ZNF385D: variants seen among roughly 807,000 people sequenced by gnomAD.
ZNF385D encodes zinc finger protein 385D.
In ZNF385D, 15 loss-of-function variants were observed where a neutral mutation model predicts 35.8. The observed-to-expected ratio is 0.42, with a 90% CI of 0.28 to 0.64. The LOEUF is 0.64. Ranked by LOEUF, ZNF385D falls within the 30% of genes least tolerant of loss-of-function variation. The pLI is 0.23. For missense variants in ZNF385D, 474 were observed against 494.6 expected, an observed-to-expected ratio of 0.96 and a Z score of 0.39; for synonymous variants, 212 against 186.8, an observed-to-expected ratio of 1.13 and a Z score of -1.10.
upstream of ZNF385D, among the ~76,000 whole-genome samples, chr3:21,755,902 C>G (rs1256282994): frequency 6.6e-6 from 1 of 152,086 alleles, no homozygotes; most frequent in East Asian, 1.9e-4. Context: ...TTATGAGTGC[C>G]AGGAAGAACA....
chr3:22,363,765 C>G (rs1231976947), intron 2 of ZNF385D, among the ~76,000 whole-genome samples: 1 of 152,052 alleles, frequency 6.6e-6, no homozygotes, highest in Non-Finnish European at 1.5e-5. Flanking sequence ...AAGGAAATTT[C>G]TCTTTACCAT....
At chr3:21,444,749 A>C (rs1702057550) in intron 4 of ZNF385D, among the ~76,000 whole-genome samples, 1 of 152,168 alleles carries the variant, frequency 6.6e-6, no homozygotes, top group African/African-American at 2.4e-5. Flanking sequence ...TTCTACAAAG[A>C]TCATGTGATT....
intron 2 of ZNF385D, among the ~76,000 whole-genome samples, chr3:22,285,268 C>T (rs1575037069): frequency 6.6e-6 from 1 of 152,238 alleles, no homozygotes; most frequent in Admixed American, 6.5e-5. Flanking sequence ...CTGCCTCTAA[C>T]CCTCCACCAC....
intron 2 of ZNF385D, among the ~76,000 whole-genome samples, chr3:21,614,624 T>C (rs1333812911): frequency 6.6e-6 from 1 of 152,184 alleles, no homozygotes; most frequent in African/African-American, 2.4e-5. Context: ...GGAGTCTCAC[T>C]ATGTCACAAG....
chr3:21,508,594 T>A (rs1021570169), intron 4 of ZNF385D, among the ~76,000 whole-genome samples: 1 of 152,192 alleles, frequency 6.6e-6, no homozygotes, highest in African/African-American at 2.4e-5. Flanking sequence ...AAAGACCCCA[T>A]GAGTATTAAA....
rs563976605 is a variant in ZNF385D, at chr3:22,318,692, CAAG to C, written c.106+53755_106+53757del. Among the ~76,000 whole-genome samples, 552 of 151,976 alleles carry C rather than the reference CAAG, an allele frequency of 3.6e-3. 4 individuals carry two copies. Among genetic ancestry groups the C allele is most frequent in the African/African-American group, 0.011 (468 of 41,438 alleles). On this transcript the variant is annotated intron_variant, in intron 2 of 5. Transcript: ENST00000494108. ...AAGATTGAGCACGAGGAATACAAGA[CAAG>C]AAGAAAAAGATCCCCGGAAATCACA...
At chr3:21,510,298 A>T (rs1707105166) in intron 4 of ZNF385D, among the ~76,000 whole-genome samples, 1 of 152,168 alleles carries the variant, frequency 6.6e-6, no homozygotes, top group Non-Finnish European at 1.5e-5. Flanking sequence ...GCCTCTGTTA[A>T]AAAGAGTAAT....
chr3:21,878,784 C>T (rs554701577), intron 3 of ZNF385D, among the ~76,000 whole-genome samples: 2 of 152,032 alleles, frequency 1.3e-5, no homozygotes, highest in Non-Finnish European at 2.9e-5. Flanking sequence ...ACACGACATG[C>T]CTGTCATATA....
At chr3:21,958,041 C>G (rs1230153898) in intron 3 of ZNF385D, among the ~76,000 whole-genome samples, 1 of 152,070 alleles carries the variant, frequency 6.6e-6, no homozygotes, top group South Asian at 2.1e-4. Flanking sequence ...ACACATGCAC[C>G]CACACATTGC....
intron 3 of ZNF385D, among the ~76,000 whole-genome samples, chr3:21,763,506 T>A (rs1262475097): frequency 6.6e-6 from 1 of 152,198 alleles, no homozygotes; most frequent in Admixed American, 6.5e-5. Flanking sequence ...TGTTTAAAAC[T>A]TCTTGAGAAA....
intron 3 of ZNF385D, among the ~76,000 whole-genome samples, chr3:22,056,209 G>T (rs1390157370): frequency 7.9e-5 from 1 of 12,644 alleles, no homozygotes; most frequent in Non-Finnish European, 1.4e-4. Context: ...CACCAGCATG[G>T]CACATGTATA....
At chr3:22,024,704 C>T (rs555361429) in intron 3 of ZNF385D, among the ~76,000 whole-genome samples, 7 of 152,132 alleles carry the variant, frequency 4.6e-5, no homozygotes, top group African/African-American at 7.2e-5. Flanking sequence ...CCTGATTCAC[C>T]GCTTGTGAGA....
At chr3:22,202,973 T>A (rs1559449565) in intron 2 of ZNF385D, among the ~76,000 whole-genome samples, 1 of 152,010 alleles carries the variant, frequency 6.6e-6, no homozygotes, top group Non-Finnish European at 1.5e-5. Context: ...CCACAAAAAT[T>A]GTAACTCCTA....
chr3:22,099,430 C>T (rs1440797977), intron 3 of ZNF385D, among the ~76,000 whole-genome samples: 1 of 152,022 alleles, frequency 6.6e-6, no homozygotes, highest in African/African-American at 2.4e-5. Context: ...ATTGTAGTGA[C>T]AGCGGTCAAT....
intron 3 of ZNF385D, among the ~76,000 whole-genome samples, chr3:21,783,626 A>C (rs17009571): frequency 0.035 from 5,399 of 152,172 alleles, 303 homozygotes; most frequent in African/African-American, 0.12. Context: ...CATTGCATTC[A>C]GAACCAGCAA....
intron 2 of ZNF385D, among the ~76,000 whole-genome samples, chr3:22,297,838 G>A (rs1702674169): frequency 6.6e-6 from 1 of 151,990 alleles, no homozygotes; most frequent in African/African-American, 2.4e-5. Flanking sequence ...AAATGATATT[G>A]GGTTACATTT....
chr3:21,496,756 T>C (rs1189083730), intron 4 of ZNF385D, among the ~76,000 whole-genome samples: 1 of 151,608 alleles, frequency 6.6e-6, no homozygotes, highest in Non-Finnish European at 1.5e-5. Context: ...CATACACAAA[T>C]CAATAAATGT....
intron 3 of ZNF385D, among the ~76,000 whole-genome samples, chr3:22,040,699 T>C (rs1395988245): frequency 1.3e-5 from 2 of 152,050 alleles, no homozygotes; most frequent in Non-Finnish European, 2.9e-5. Flanking sequence ...TGGTCTACAG[T>C]TTAGGGAAAC....
chr3:21,868,585 A>G (rs1490104530), intron 3 of ZNF385D, among the ~76,000 whole-genome samples: 2 of 152,202 alleles, frequency 1.3e-5, no homozygotes, highest in East Asian at 3.9e-4. Context: ...TTTTTGTACT[A>G]TTACCATATC....
Sources: allele counts gnomAD v4.1 joint callset (sites outside exome capture counted in the v4.1 genomes callset), GRCh38; gene constraint gnomAD v4.1.1; transcripts MANE v1.5; gene names NCBI Gene and HGNC (gene_info 2026-07-23, HGNC 2026-07-21).